PCDH11X: variants seen among roughly 807,000 people sequenced by gnomAD.
PCDH11X encodes protocadherin 11 X-linked, also known as protocadherin-11 X-linked.
In PCDH11X, 18 loss-of-function variants were observed where a neutral mutation model predicts 53.3. The observed-to-expected ratio is 0.34, with a 90% confidence interval of 0.23 to 0.50. The LOEUF (loss-of-function observed/expected upper bound fraction) is 0.50. Ranked by LOEUF, PCDH11X falls within the 20% of genes least tolerant of loss-of-function variation. The pLI, the probability that PCDH11X is intolerant of heterozygous loss-of-function variation, is 0.98. For synonymous variants in PCDH11X, 279 were observed against 393.3 expected, an observed-to-expected ratio of 0.71 and a Z score of 3.44; for missense variants, 570 against 1,032.4, an observed-to-expected ratio of 0.55 and a Z score of 6.14.
At chrX:91,784,654 G>A (rs751170149) in intron 1 of PCDH11X, among the ~76,000 whole-genome samples, 1 of 111,642 alleles carries the variant, frequency 9.0e-6, no homozygotes, top group South Asian at 3.8e-4. Context: ...ACCAGTTAGA[G>A]CCTCTTAATC....
intron 5 of PCDH11X, among the ~76,000 whole-genome samples, chrX:91,865,563 G>T (rs947860751): frequency 9.0e-6 from 1 of 111,647 alleles, no homozygotes; most frequent in Middle Eastern, 4.2e-3. Flanking sequence ...AAGCCAGCCA[G>T]GTCTATGTCT....
At chrX:92,546,793 T>C (rs1363998747) in intron 10 of PCDH11X, among the ~76,000 whole-genome samples, 1 of 111,808 alleles carries the variant, frequency 8.9e-6, no homozygotes, top group African/African-American at 3.3e-5. Flanking sequence ...GTATATTCCC[T>C]TTAACTTAAA....
At chrX:92,422,639 G>A (rs890787108) in intron 9 of PCDH11X, among the ~76,000 whole-genome samples, 2 of 110,750 alleles carry the variant, frequency 1.8e-5, no homozygotes, top group Non-Finnish European at 3.8e-5. Flanking sequence ...TATTTTTTTC[G>A]TATAATGACT....
intron 6 of PCDH11X, among the ~76,000 whole-genome samples, chrX:92,020,711 C>T (rs763884196): frequency 1.3e-4 from 14 of 110,765 alleles, no homozygotes; most frequent in East Asian, 2.9e-4. Flanking sequence ...CTTTGTTAAA[C>T]GGGTCCTGCT....
At chrX:92,225,109 C>A (rs746096656) in intron 7 of PCDH11X, among the ~76,000 whole-genome samples, 175 of 111,527 alleles carry the variant, frequency 1.6e-3, no homozygotes, top group African/African-American at 5.4e-3. Context: ...TACAACATGT[C>A]AAATACACAT....
chrX:92,064,197 G>T (rs6615313), intron 6 of PCDH11X, among the ~76,000 whole-genome samples: 2 of 103,437 alleles, frequency 1.9e-5, no homozygotes, highest in Non-Finnish European at 3.9e-5. Context: ...ACTTGTACCA[G>T]CAGTGATGGC....
chrX:92,200,144 C>T (rs2066365093), intron 6 of PCDH11X, among the ~76,000 whole-genome samples: 1 of 110,423 alleles, frequency 9.1e-6, no homozygotes, highest in Non-Finnish European at 1.9e-5. Context: ...GTTTGAGTTC[C>T]TTATATATTC....
intron 10 of PCDH11X, among the ~76,000 whole-genome samples, chrX:92,591,229 G>T (rs1482155433): frequency 9.1e-6 from 1 of 110,264 alleles, no homozygotes; most frequent in Non-Finnish European, 1.9e-5. Context: ...AGTGAGCAGG[G>T]TCGCCAGGGC....
chrX:92,043,929 A>T (rs1036041857), intron 6 of PCDH11X, among the ~76,000 whole-genome samples: 1 of 110,118 alleles, frequency 9.1e-6, no homozygotes, highest in Admixed American at 9.9e-5. Context: ...TAATCTTGCG[A>T]GGCTGAAATA....
At chrX:92,484,267 ATG>A (rs1442701042) in intron 10 of PCDH11X, among the ~76,000 whole-genome samples, 36 of 100,324 alleles carry the variant, frequency 3.6e-4, no homozygotes, top group Admixed American at 7.0e-4. Context: ...ATACATATAT[ATG>A]TGTATGTATA....
chrX:92,153,640 C>T (rs1358340989), intron 6 of PCDH11X, among the ~76,000 whole-genome samples: 1 of 111,238 alleles, frequency 9.0e-6, no homozygotes, highest in Non-Finnish European at 1.9e-5. Context: ...TTTTTATTAT[C>T]TAAAGGATTT....
intron 6 of PCDH11X, among the ~76,000 whole-genome samples, chrX:91,986,101 T>G (rs2147935623): frequency 1.0e-5 from 1 of 95,396 alleles, no homozygotes. Flanking sequence ...CAGAGAAGCT[T>G]ATTTCAGCAC....
At chrX:91,978,547 C>T (rs909940644) in intron 6 of PCDH11X, among the ~76,000 whole-genome samples, 18 of 110,091 alleles carry the variant, frequency 1.6e-4, no homozygotes, top group Non-Finnish European at 2.3e-4. Flanking sequence ...CCAGTAGTGT[C>T]GGGCACATAA....
chrX:92,556,050 T>A (rs1169368709), intron 10 of PCDH11X, among the ~76,000 whole-genome samples: 1 of 110,221 alleles, frequency 9.1e-6, no homozygotes, highest in African/African-American at 3.3e-5. Flanking sequence ...TCAGATCTTG[T>A]GAGAACTCAC....
intron 9 of PCDH11X, among the ~76,000 whole-genome samples, chrX:92,392,689 T>C (rs1391015173): frequency 9.0e-6 from 1 of 110,553 alleles, no homozygotes; most frequent in Non-Finnish European, 1.9e-5. Flanking sequence ...AACCAAAAAC[T>C]GTGAAACTTT....
intron 6 of PCDH11X, among the ~76,000 whole-genome samples, chrX:91,973,301 G>A (rs2061996156): frequency 1.5e-5 from 1 of 67,690 alleles, no homozygotes; most frequent in African/African-American, 5.6e-5. Context: ...GGTGGGGGGA[G>A]GGGGGAGGGA....
intron 6 of PCDH11X, among the ~76,000 whole-genome samples, chrX:91,995,694 G>A (rs1396480898): frequency 1.8e-5 from 2 of 110,931 alleles, no homozygotes; most frequent in Non-Finnish European, 3.8e-5. Context: ...GAATTTTAGA[G>A]TTGTTTGTGT....
chrX:92,266,288 G>C lies in PCDH11X; in HGVS notation c.3144+3145G>C, dbSNP rs773686643. Among the ~76,000 whole-genome samples, 62 of 111,866 alleles carry C rather than the reference G, an allele frequency of 5.5e-4. No individual in the cohort carries two copies. The South Asian group carries it at 6.6e-3, about 12-fold the overall frequency. ...ATGAATTATAAAATATGGCTTTTAT[G>C]TTCAGTTTAATTCAGAGTATGGGAA... On this transcript the variant is annotated intron_variant, in intron 8 of 10. Coordinates refer to ENST00000682573, the MANE Select transcript of PCDH11X (RefSeq NM_032968.5).
At chrX:91,992,975 T>G (rs949245479) in intron 6 of PCDH11X, among the ~76,000 whole-genome samples, 24 of 111,200 alleles carry the variant, frequency 2.2e-4, no homozygotes, top group African/African-American at 7.2e-4. Context: ...TGTTTTTGAA[T>G]TAAATAATTT....
Sources: gnomAD v4.1 joint callset for allele counts (sites outside exome capture counted in the v4.1 genomes callset) on GRCh38, gnomAD v4.1.1 for gene constraint, MANE v1.5 for transcripts, NCBI Gene and HGNC (gene_info 2026-07-23, HGNC 2026-07-21) for gene names.